The following STX8 variants were observed in gnomAD, a reference collection of about 807,000 sequenced individuals.
STX8 encodes the protein syntaxin 8.
STX8 carries 23 observed loss-of-function variants against 37.5 expected under a neutral mutation model. The observed-to-expected ratio is 0.61, with a 90% CI of 0.44 to 0.87. STX8 has a LOEUF of 0.87. Among genes scored for constraint, STX8 ranks in the 40% least tolerant of loss-of-function variants. The pLI, the probability that STX8 is intolerant of heterozygous loss-of-function variation, is 0.00. For synonymous variants in STX8, 115 were observed against 99.1 expected (o/e 1.16, Z -0.95); for missense variants, 313 against 284.7 (o/e 1.10, Z -0.71).
intron 6 of STX8, among the ~76,000 whole-genome samples, chr17:9,389,066 C>T (rs1337622479): frequency 5.3e-5 from 8 of 152,152 alleles, no homozygotes; most frequent in Non-Finnish European, 1.0e-4. Flanking sequence ...TCTTTTTAAT[C>T]ATTTCCTTAA....
At chr17:9,419,227 C>T (rs910161196) in intron 6 of STX8, among the ~76,000 whole-genome samples, 4 of 151,788 alleles carry the variant, frequency 2.6e-5, no homozygotes, top group East Asian at 1.9e-4. Context: ...ATGCCCAGTT[C>T]GTTATTTTAT....
intron 4 of STX8, among the ~76,000 whole-genome samples, chr17:9,539,783 G>A (rs893242852): frequency 1.3e-5 from 2 of 152,038 alleles, no homozygotes; most frequent in Admixed American, 1.3e-4. Flanking sequence ...ACTGTAGAGA[G>A]GACTAAGGAA....
intron 7 of STX8, among the ~76,000 whole-genome samples, chr17:9,347,623 T>G (rs985936754): frequency 3.3e-5 from 5 of 152,132 alleles, no homozygotes; most frequent in African/African-American, 1.2e-4. Context: ...TTCAAGCGAT[T>G]CTCCTGCCTC....
chr17:9,305,329 G>T (rs1908942475), intron 7 of STX8, among the ~76,000 whole-genome samples: 1 of 152,016 alleles, frequency 6.6e-6, no homozygotes, highest in Admixed American at 6.5e-5. Context: ...CTGACCTCGT[G>T]GTCCACCTGC....
At chr17:9,261,305 T>C (rs12949976) in intron 7 of STX8, among the ~76,000 whole-genome samples, 33,441 of 152,160 alleles carry the variant, frequency 0.22, 3,725 homozygotes, top group Middle Eastern at 0.28. Context: ...GCTGTCCCAG[T>C]GCTGAATAGC....
chr17:9,575,713 C>T, intron 1 of STX8, 79 bp downstream of exon 1: 2 of 1,513,922 alleles, frequency 1.3e-6, no homozygotes, highest in Non-Finnish European at 1.8e-6. Context: ...AGCGGCAATG[C>T]GAAGTGATTG....
At chr17:9,336,617 G>T (rs551995156) in intron 7 of STX8, among the ~76,000 whole-genome samples, 5 of 152,252 alleles carry the variant, frequency 3.3e-5, no homozygotes, top group African/African-American at 1.2e-4. Flanking sequence ...TGTGTTTTTA[G>T]TAGAGATGGA....
At chr17:9,419,395 T>C (rs1225270385) in intron 6 of STX8, among the ~76,000 whole-genome samples, 1 of 152,222 alleles carries the variant, frequency 6.6e-6, no homozygotes, top group Non-Finnish European at 1.5e-5. Context: ...TTAGAATTAA[T>C]GGTTTTTAAT....
intron 6 of STX8, among the ~76,000 whole-genome samples, chr17:9,422,928 A>T (rs1913495486): frequency 6.6e-6 from 1 of 152,264 alleles, no homozygotes; most frequent in African/African-American, 2.4e-5. Flanking sequence ...GACTGGTTAA[A>T]TTACAGCAAA....
chr17:9,372,994 C>T (rs1461239471), intron 7 of STX8, among the ~76,000 whole-genome samples: 1 of 150,754 alleles, frequency 6.6e-6, no homozygotes, highest in Non-Finnish European at 1.5e-5. Flanking sequence ...ATCCCAGCTA[C>T]TCAGGAGGCT....
intron 7 of STX8, among the ~76,000 whole-genome samples, chr17:9,290,577 C>T (rs1486902125): frequency 6.6e-6 from 1 of 152,194 alleles, no homozygotes; most frequent in Non-Finnish European, 1.5e-5. Context: ...CACTTCCTTC[C>T]CAACGGGAGA....
At chr17:9,498,695 G>A (rs892186791) in intron 5 of STX8, among the ~76,000 whole-genome samples, 2 of 152,082 alleles carry the variant, frequency 1.3e-5, no homozygotes, top group African/African-American at 4.8e-5. Context: ...ACCTAAGAAC[G>A]CAGAAATCTA....
intron 7 of STX8, among the ~76,000 whole-genome samples, chr17:9,264,416 C>G (rs562272762): frequency 6.6e-6 from 1 of 152,194 alleles, no homozygotes; most frequent in African/African-American, 2.4e-5. Context: ...GTGATCCCCC[C>G]ACGTCAGCCT....
At chr17:9,306,806 TA>T (rs1340421648) in intron 7 of STX8, among the ~76,000 whole-genome samples, 1 of 151,532 alleles carries the variant, frequency 6.6e-6, no homozygotes, top group Non-Finnish European at 1.5e-5. Context: ...ATTTAAGAAG[TA>T]AAACTGCAGG....
At chr17:9,342,044 C>T (rs539311764) in intron 7 of STX8, among the ~76,000 whole-genome samples, 1 of 152,066 alleles carries the variant, frequency 6.6e-6, no homozygotes. Flanking sequence ...AATTTTTCCA[C>T]GGCCTGGAGG....
rs1477704125 is a variant in STX8 at position 9,392,006 on chromosome 17, T to C, written c.542-13353A>G. On this transcript the variant is annotated intron_variant, in intron 6 of 7. Coordinates refer to ENST00000306357, the MANE Select transcript of STX8 (RefSeq NM_004853.3). ...AGAGAAAACCACCCAACTCCCAGTC[T>C]GGTCACTGGCTACTGCACCTGTGGG... Among the ~76,000 whole-genome samples the C allele has an allele frequency of 3.3e-5, 5 of 152,314 alleles. No individual in the cohort carries two copies. The East Asian group carries it at 7.7e-4, about 24-fold the overall frequency.
intron 4 of STX8, among the ~76,000 whole-genome samples, chr17:9,521,151 A>T (rs1317914947): frequency 6.6e-6 from 1 of 152,246 alleles, no homozygotes; most frequent in Non-Finnish European, 1.5e-5. Flanking sequence ...TTTAGAGACG[A>T]AGTCTGGCAA....
chr17:9,359,409 A>G (rs1567796856), intron 7 of STX8, among the ~76,000 whole-genome samples: 1 of 151,998 alleles, frequency 6.6e-6, no homozygotes, highest in Non-Finnish European at 1.5e-5. Flanking sequence ...AGAGAGCCTG[A>G]AATCCCCAAA....
chr17:9,352,856 CATT>C (rs1168165460), intron 7 of STX8, among the ~76,000 whole-genome samples: 1 of 151,856 alleles, frequency 6.6e-6, no homozygotes, highest in African/African-American at 2.4e-5. Flanking sequence ...AATCCATTAA[CATT>C]GTTATTCTTT....
Sources: allele counts gnomAD v4.1 joint callset (sites outside exome capture counted in the v4.1 genomes callset), GRCh38; gene constraint gnomAD v4.1.1; transcripts MANE v1.5; gene names NCBI Gene and HGNC (gene_info 2026-07-23, HGNC 2026-07-21).